Variants in SOS1 observed in about 807,000 individuals in gnomAD.
SOS1 encodes the protein SOS Ras/Rac guanine nucleotide exchange factor 1, also known as son of sevenless homolog 1.
Under a neutral mutation model 157.6 loss-of-function variants are expected in SOS1, and 25 were observed. The observed-to-expected ratio is 0.16, with a 90% CI of 0.12 to 0.22. The LOEUF is 0.22. SOS1 is among the 10% of genes least tolerant of loss of function. The pLI is 1.00. For synonymous variants in SOS1, 528 were observed against 534.0 expected, an observed-to-expected ratio of 0.99 and a Z score of 0.16; for missense variants, 1,237 against 1,599.1, an observed-to-expected ratio of 0.77 and a Z score of 3.86.
rs1668442810 is a variant in SOS1 at position 38,982,836 on chromosome 2, G to A, written c.*2988C>T. On this transcript the variant is annotated 3_prime_UTR_variant, in exon 23 of 23. Coordinates refer to ENST00000402219, the MANE Select transcript of SOS1 (RefSeq NM_005633.4). ...TTACATAAGGTAATTTTTGATTTAT[G>A]GAGGGAAAAAAACCTTTAAGAATTT... The A allele has an allele frequency of 6.6e-6, 1 of 152,048 alleles. No individual in the cohort carries two copies. Among genetic ancestry groups the A allele is most frequent in the South Asian group, 2.1e-4 (1 of 4,822 alleles). The allele number at this position is 152,048 out of a possible 1,614,324, so 9.4% of individuals were successfully genotyped here.
At chr2:39,070,406 T>C (rs1230497776) in intron 1 of SOS1, among the ~76,000 whole-genome samples, 2 of 152,136 alleles carry the variant, frequency 1.3e-5, no homozygotes, top group Non-Finnish European at 2.9e-5. Flanking sequence ...ATTTCCTTAT[T>C]CCTTTTCCAT....
At chr2:38,990,351 T>C (rs1668694819) in intron 20 of SOS1, among the ~76,000 whole-genome samples, 1 of 152,128 alleles carries the variant, frequency 6.6e-6, no homozygotes, top group Non-Finnish European at 1.5e-5. Context: ...GAACCTATGA[T>C]TCCTAAGTGT....
chr2:39,069,892 C>A (rs545972966), intron 1 of SOS1, among the ~76,000 whole-genome samples: 95 of 152,190 alleles, frequency 6.2e-4, no homozygotes, highest in Admixed American at 8.5e-4. Flanking sequence ...GTGAAGAAAC[C>A]CAGAAGGCTT....
chr2:38,992,772 A>G (rs1668772293), intron 20 of SOS1: 1 of 152,242 alleles, frequency 6.6e-6, no homozygotes, highest in African/African-American at 2.4e-5. Flanking sequence ...GCAAACAGTT[A>G]AATGGGTCAG....
intron 17 of SOS1, among the ~76,000 whole-genome samples, chr2:39,005,144 A>G (rs1307266598): frequency 1.3e-5 from 2 of 152,194 alleles, no homozygotes; most frequent in Non-Finnish European, 2.9e-5. Flanking sequence ...GTATGAGCTT[A>G]ATTTATAAAT....
intron 1 of SOS1, among the ~76,000 whole-genome samples, chr2:39,092,679 A>C (rs1370997421): frequency 6.6e-6 from 1 of 152,242 alleles, no homozygotes; most frequent in Non-Finnish European, 1.5e-5. Flanking sequence ...TTGAATGAAT[A>C]AATGAAATGA....
chr2:39,077,351 T>C (rs7573742), intron 1 of SOS1, among the ~76,000 whole-genome samples: 80 of 151,660 alleles, frequency 5.3e-4, no homozygotes, highest in Non-Finnish European at 1.0e-3. Context: ...AAATCCTTTA[T>C]GAAGAAAAAT....
chr2:39,024,893 C>T (rs1669907183), intron 8 of SOS1, among the ~76,000 whole-genome samples: 1 of 151,882 alleles, frequency 6.6e-6, no homozygotes, highest in Non-Finnish European at 1.5e-5. Flanking sequence ...CTATAATATA[C>T]ATATTTATGA....
At chr2:39,062,654 G>C (rs751647434) in intron 2 of SOS1, among the ~76,000 whole-genome samples, 14 of 149,134 alleles carry the variant, frequency 9.4e-5, no homozygotes, top group Admixed American at 2.7e-4. Context: ...ACTGTCCTGA[G>C]AAATCAAAGC....
chr2:39,052,942 C>G (rs1013823288), intron 5 of SOS1, among the ~76,000 whole-genome samples: 2 of 152,124 alleles, frequency 1.3e-5, no homozygotes, highest in Admixed American at 6.5e-5. Context: ...CACTTGAGGT[C>G]AGGAGTTCGA....
intron 12 of SOS1, 122 bp from the exon 13 acceptor site, chr2:39,013,685 A>C: frequency 1.1e-6 from 1 of 904,588 alleles, no homozygotes. Flanking sequence ...CAGTGTGCTT[A>C]ACACTTCCAA....
chr2:39,013,585 G>C, intron 12 of SOS1, 22 bp from the exon 13 acceptor site: 1 of 1,388,250 alleles, frequency 7.2e-7, no homozygotes, highest in Non-Finnish European at 1.0e-6. Flanking sequence ...ACACAGAATT[G>C]AATTACATGG....
intron 6 of SOS1, among the ~76,000 whole-genome samples, chr2:39,047,883 G>A (rs958459379): frequency 5.9e-5 from 9 of 152,114 alleles, no homozygotes; most frequent in Admixed American, 6.5e-5. Context: ...GGCCAGGCTC[G>A]TCTCAAACTC....
At chr2:39,075,415 C>CT (rs1407930768) in intron 1 of SOS1, among the ~76,000 whole-genome samples, 2 of 152,050 alleles carry the variant, frequency 1.3e-5, no homozygotes, top group African/African-American at 2.4e-5. Flanking sequence ...ACCTGAAATT[C>CT]TTTTTTTATC....
chr2:39,091,284 T>C (rs991345611), intron 1 of SOS1, among the ~76,000 whole-genome samples: 3 of 152,138 alleles, frequency 2.0e-5, no homozygotes, highest in Non-Finnish European at 4.4e-5. Context: ...TTTACCTCCT[T>C]GAGGGTAGTG....
chr2:39,022,678 C>T lies in SOS1; in HGVS notation c.1750G>A (p.Glu584Lys), dbSNP rs771878514. ...VYRFAEPDSE[E>K]NIIFEENMQP... ...ATGTTCTCTTCAAATATAATATTCT[C>T]TTCAGAGTCAGGCTCTGCAAATCTA... The change falls in exon 10 of 23, where the codon GAG becomes AAG. Residue 584 changes from glutamate to lysine, a missense_variant. Coordinates refer to ENST00000402219, the MANE Select transcript of SOS1 (RefSeq NM_005633.4). The T allele has an allele frequency of 2.5e-6, 4 of 1,613,258 alleles. No homozygotes were observed. The African/African-American group carries it at 4.0e-5, about 16-fold the overall frequency.
intron 1 of SOS1, among the ~76,000 whole-genome samples, chr2:39,108,950 G>A (rs1673312554): frequency 6.6e-6 from 1 of 151,166 alleles, no homozygotes. Flanking sequence ...TGTAATCCCG[G>A]CACACTGGGA....
chr2:39,039,283 A>G (rs1206951614), intron 6 of SOS1, among the ~76,000 whole-genome samples: 1 of 152,244 alleles, frequency 6.6e-6, no homozygotes, highest in Non-Finnish European at 1.5e-5. Flanking sequence ...AAGCCACGAT[A>G]TCTCTGAGGT....
intron 20 of SOS1, 23 bp from the exon 21 acceptor site, chr2:38,989,337 G>C (rs780001503): frequency 5.7e-6 from 9 of 1,572,708 alleles, no homozygotes; most frequent in South Asian, 4.4e-5. Context: ...ACAAGAAAAA[G>C]TAGATTTTTT....
Sources: allele counts gnomAD v4.1 joint callset (sites outside exome capture counted in the v4.1 genomes callset), GRCh38; gene constraint gnomAD v4.1.1; transcripts MANE v1.5; gene names NCBI Gene and HGNC (gene_info 2026-07-23, HGNC 2026-07-21).